The following DTWD1 variants were observed in gnomAD, a reference collection of about 807,000 sequenced individuals.
DTWD1 encodes DTW motif tRNA-uridine aminocarboxypropyltransferase 1, also known as tRNA-uridine aminocarboxypropyltransferase 1.
In DTWD1, 27 loss-of-function variants were observed where a neutral mutation model predicts 30.2. That is an observed-to-expected ratio of 0.90 (90% confidence interval 0.66 to 1.23). The LOEUF is 1.23. Among genes scored for constraint, DTWD1 ranks in the 50% most tolerant of loss-of-function variants. DTWD1 has a pLI of 0.00. For missense variants in DTWD1, 342 were observed against 348.8 expected, an observed-to-expected ratio of 0.98 and a Z score of 0.15; for synonymous variants, 99 against 113.1, an observed-to-expected ratio of 0.88 and a Z score of 0.79.
chr15:49,637,987 T>C (rs534091524), intron 4 of DTWD1, among the ~76,000 whole-genome samples: 1 of 152,322 alleles, frequency 6.6e-6, no homozygotes, highest in East Asian at 1.9e-4. Context: ...GCATAAGATC[T>C]TTAAGAAATT....
At chr15:49,632,337 G>T (rs754630319) in intron 3 of DTWD1, 35 bp downstream of exon 3, 11 of 1,554,036 alleles carry the variant, frequency 7.1e-6, no homozygotes. Flanking sequence ...CTTCACATTG[G>T]ATATAAAAAT....
chr15:49,626,114 A>C (rs2078840867), intron 2 of DTWD1, among the ~76,000 whole-genome samples: 1 of 152,054 alleles, frequency 6.6e-6, no homozygotes, highest in South Asian at 2.1e-4. Context: ...TTCATTAATG[A>C]TTTTAATTTA....
At chr15:49,631,076 T>A in intron 2 of DTWD1, 1 of 391,400 alleles carries the variant, frequency 2.6e-6, no homozygotes, top group Non-Finnish European at 5.2e-6. Flanking sequence ...GTATAATTAT[T>A]TCATTATATA....
At chr15:49,633,167 T>C (rs140935983) in intron 3 of DTWD1, among the ~76,000 whole-genome samples, 2,563 of 151,214 alleles carry the variant, frequency 0.017, 35 homozygotes, top group Middle Eastern at 0.037. Context: ...TCAGCTAGAC[T>C]CCATTTATGT....
rs974228168 is a variant in DTWD1, at chr15:49,652,218, G to A, written c.*8640G>A. On this transcript the variant is annotated 3_prime_UTR_variant, in exon 5 of 5. Transcript: ENST00000403028. ...TCCCACAAGGGGACACAGTTTTGCT[G>A]AGAGATATATAAAAAATCTCACTGA... 3 of 152,048 alleles carry A rather than the reference G, an allele frequency of 2.0e-5. No homozygotes were observed. The highest frequency in any genetic ancestry group is 7.2e-5 in the African/African-American group (3 of 41,416). 9.4% of individuals were successfully genotyped at this position (152,048 alleles called of 1,614,324 possible). A position where few individuals can be genotyped will look rare whatever the true frequency, so the allele number is the denominator to read the frequency against.
At chr15:49,641,866 A>G (rs2079069057) in intron 4 of DTWD1, among the ~76,000 whole-genome samples, 2 of 151,868 alleles carry the variant, frequency 1.3e-5, no homozygotes, top group Non-Finnish European at 2.9e-5. Context: ...TCTTCTCTTT[A>G]TCTTTGGTGT....
rs1371591873 is a variant in DTWD1 at position 49,650,238 on chromosome 15, AT to A, written c.*6664del. The stretch of plus-strand genomic sequence containing the variant: ...TGTGGAGCCATGGTAAGATGTTAAG[AT>A]TTTACTCTGAGTGATGAGATAGGAA... On this transcript the variant is annotated 3_prime_UTR_variant, in exon 5 of 5. Coordinates refer to ENST00000403028, the MANE Select transcript of DTWD1 (RefSeq NM_001144955.2). 2 of 152,112 alleles carry A rather than the reference AT, an allele frequency of 1.3e-5. No homozygotes were observed. Among genetic ancestry groups the A allele is most frequent in the Non-Finnish European group, 2.9e-5 (2 of 68,030 alleles). The allele number at this position is 152,112 out of a possible 1,614,324, so 9.4% of individuals were successfully genotyped here.
At chr15:49,625,587 A>T in intron 2 of DTWD1, 156 bp downstream of exon 2, 1 of 797,314 alleles carries the variant, frequency 1.3e-6, no homozygotes, top group Non-Finnish European at 1.9e-6. Flanking sequence ...TTAGACAGAA[A>T]ATTTCTCAGC....
In DTWD1 at chr15:49,643,332, G is replaced by A; in HGVS notation, c.669G>A (p.Gly223=). ...TTTTTTTTTTTTTTTTTTTGACAGGGTTGTTACAAGTTGAGTTGAAAACAA... is the reference window on the plus strand; with the variant it reads ...TTTTTTTTTTTTTTTTTTTGACAGGATTGTTACAAGTTGAGTTGAAAACAA... ...NKIFTDERLQ[G]LLQVELKTRK... Residue 223 remains glycine, a splice_region_variant and synonymous_variant, in exon 5 of 5, where the codon GGG becomes GGA. Coordinates refer to ENST00000403028, the MANE Select transcript of DTWD1 (RefSeq NM_001144955.2). The A allele has an allele frequency of 1.4e-6, 2 of 1,479,086 alleles. No individual in the cohort carries two copies. Among genetic ancestry groups the A allele is most frequent in the Non-Finnish European group, 1.8e-6 (2 of 1,123,286 alleles). The allele number at this position is 1,479,086 out of a possible 1,614,324, so 91.6% of individuals were successfully genotyped here. A position where few individuals can be genotyped will look rare whatever the true frequency, so the allele number is the denominator to read the frequency against.
intron 4 of DTWD1, among the ~76,000 whole-genome samples, chr15:49,635,527 T>G (rs758399242): frequency 3.3e-5 from 5 of 152,022 alleles, no homozygotes; most frequent in Non-Finnish European, 7.4e-5. Context: ...GAGGGAGTCT[T>G]GCTCTGTTAC....
rs2079148561 is a variant in DTWD1 at position 49,650,845 on chromosome 15, C to T, written c.*7267C>T. On this transcript the variant is annotated 3_prime_UTR_variant, in exon 5 of 5. Coordinates refer to ENST00000403028, the MANE Select transcript of DTWD1 (RefSeq NM_001144955.2). Reference sequence around the variant, plus strand: ...CTGAAAGGTGACACTTTCTAATAAACATCTTACACCCCAAACTCCATCTCA... The same window carrying T: ...CTGAAAGGTGACACTTTCTAATAAATATCTTACACCCCAAACTCCATCTCA... 1 of 152,166 alleles carries T rather than the reference C, an allele frequency of 6.6e-6. No homozygotes were observed. The highest frequency in any genetic ancestry group is 1.5e-5 in the Non-Finnish European group (1 of 68,038). 9.4% of individuals were successfully genotyped at this position (152,166 alleles called of 1,614,324 possible).
intron 3 of DTWD1, among the ~76,000 whole-genome samples, chr15:49,632,917 A>G (rs938763589): frequency 2.0e-5 from 3 of 152,098 alleles, no homozygotes; most frequent in Admixed American, 1.3e-4. Context: ...TGAAAGAAGC[A>G]TGTAAAAGCC....
At chr15:49,622,865 TTC>T (rs2078784729) in intron 1 of DTWD1, among the ~76,000 whole-genome samples, 1 of 152,164 alleles carries the variant, frequency 6.6e-6, no homozygotes, top group Non-Finnish European at 1.5e-5. Flanking sequence ...CCATAAACAT[TTC>T]TCTTTTACTG....
chr15:49,635,735 C>G (rs1449133774), intron 4 of DTWD1, among the ~76,000 whole-genome samples: 3 of 152,136 alleles, frequency 2.0e-5, no homozygotes, highest in Non-Finnish European at 4.4e-5. Context: ...CTCAGGTGAT[C>G]TGCCTGCCCT....
chr15:49,623,127 A>G (rs909600992), intron 1 of DTWD1, among the ~76,000 whole-genome samples: 1 of 152,208 alleles, frequency 6.6e-6, no homozygotes, highest in East Asian at 1.9e-4. Flanking sequence ...TTTCAGTCCC[A>G]CTATGCCTGG....
Position 49,645,821 on chromosome 15 carries a change from G to A in DTWD1, c.*2243G>A, listed in dbSNP as rs1046875928. ...CTCAGGTTCTTTTCAAAAGAAGTTA[G>A]TAATACCTATTAGAACAATGAATTG... is the stretch of plus-strand genomic sequence containing the variant. On this transcript the variant is annotated 3_prime_UTR_variant, in exon 5 of 5. Coordinates refer to ENST00000403028, the MANE Select transcript of DTWD1 (RefSeq NM_001144955.2). 3.9e-5 allele frequency: 6 copies of A among 152,106 alleles called. No individual in the cohort carries two copies. The highest frequency in any genetic ancestry group is 1.4e-4 in the African/African-American group (6 of 41,436). 9.4% of individuals were successfully genotyped at this position (152,106 alleles called of 1,614,324 possible).
Position 49,654,799 on chromosome 15 carries a change from TATC to T in DTWD1, c.*11224_*11226del, listed in dbSNP as rs1013371912. On this transcript the variant is annotated 3_prime_UTR_variant, in exon 5 of 5. Coordinates refer to ENST00000403028, the MANE Select transcript of DTWD1 (RefSeq NM_001144955.2). Reference sequence around the variant, plus strand: ...CAGTTGGAGCTACTGTAACAAAAAATATCATAGATTGAGTGACTTAAACAACAG... The same window carrying T: ...CAGTTGGAGCTACTGTAACAAAAAATATAGATTGAGTGACTTAAACAACAG... 29 of 152,140 alleles carry T rather than the reference TATC, an allele frequency of 1.9e-4. No individual in the cohort carries two copies. The highest frequency in any genetic ancestry group is 7.0e-4 in the African/African-American group (29 of 41,550). 9.4% of individuals were successfully genotyped at this position (152,140 alleles called of 1,614,324 possible). A position where few individuals can be genotyped will look rare whatever the true frequency, so the allele number is the denominator to read the frequency against.
intron 3 of DTWD1, among the ~76,000 whole-genome samples, chr15:49,634,171 A>G (rs2078969356): frequency 6.6e-6 from 1 of 152,184 alleles, no homozygotes; most frequent in East Asian, 1.9e-4. Context: ...ATAGATGAAA[A>G]TGGCATTTAA....
intron 2 of DTWD1, among the ~76,000 whole-genome samples, chr15:49,628,236 C>T (rs964828477): frequency 2.0e-5 from 3 of 152,098 alleles, no homozygotes; most frequent in African/African-American, 7.2e-5. Context: ...CTGTCATCTC[C>T]TATGATAGCA....
Sources: gnomAD v4.1 joint callset for allele counts (sites outside exome capture counted in the v4.1 genomes callset) on GRCh38, gnomAD v4.1.1 for gene constraint, MANE v1.5 for transcripts, NCBI Gene and HGNC (gene_info 2026-07-23, HGNC 2026-07-21) for gene names.